ZNF33B: variants seen among roughly 807,000 people sequenced by gnomAD.
ZNF33B encodes zinc finger protein 11b (KOX 2).
ZNF33B carries 29 observed loss-of-function variants against 45.8 expected under a neutral mutation model. The observed-to-expected ratio is 0.63, with a 90% CI of 0.47 to 0.86. The LOEUF is 0.86. ZNF33B is among the 40% of genes least tolerant of loss of function. ZNF33B has a pLI of 0.00. For missense variants in ZNF33B, 831 were observed against 909.9 expected (o/e 0.91, Z 1.12); for synonymous variants, 305 against 307.8 (o/e 0.99, Z 0.10).
chr10:42,611,268 G>A (rs1174394800), intron 4 of ZNF33B, among the ~76,000 whole-genome samples: 1 of 152,062 alleles, frequency 6.6e-6, no homozygotes, highest in Non-Finnish European at 1.5e-5. Context: ...TTGAACCTGG[G>A]GGGCAGAAGT....
intron 4 of ZNF33B, among the ~76,000 whole-genome samples, chr10:42,598,500 T>A (rs1421568454): frequency 6.6e-6 from 1 of 152,232 alleles, no homozygotes; most frequent in Non-Finnish European, 1.5e-5. Flanking sequence ...CTCTCAAGTA[T>A]CCTGTCTACT....
intron 4 of ZNF33B, among the ~76,000 whole-genome samples, chr10:42,601,395 T>C (rs1238716894): frequency 6.6e-6 from 1 of 152,002 alleles, no homozygotes; most frequent in African/African-American, 2.4e-5. Flanking sequence ...ACTTTCCTTT[T>C]AGAGACTCCA....
At chr10:42,610,103 T>C (rs1838037917) in intron 4 of ZNF33B, among the ~76,000 whole-genome samples, 1 of 152,196 alleles carries the variant, frequency 6.6e-6, no homozygotes, top group Admixed American at 6.5e-5. Flanking sequence ...AGTGGAACTA[T>C]ATGTATTTGC....
intron 4 of ZNF33B, among the ~76,000 whole-genome samples, chr10:42,626,856 T>A (rs1306213106): frequency 3.9e-5 from 6 of 151,918 alleles, no homozygotes; most frequent in Non-Finnish European, 7.4e-5. Flanking sequence ...TTTTTGGAGG[T>A]TTTTTATTTA....
chr10:42,632,441 T>G lies in ZNF33B; in HGVS notation c.10-2A>C, dbSNP rs1391591182. ...TGACCCCTGGAACTTCTGATCTACC[T>G]GAAATGTTCAGAATTAGGTGGCATG... is the stretch of plus-strand genomic sequence containing the variant. On this transcript the variant is annotated splice_acceptor_variant, in intron 2 of 4. Coordinates refer to ENST00000359467, the MANE Select transcript of ZNF33B (RefSeq NM_006955.3). LOFTEE classifies it high-confidence loss of function. 1.2e-6 allele frequency: 2 copies of G among 1,612,792 alleles called. No homozygotes were observed.
chr10:42,629,946 C>T lies in ZNF33B; in HGVS notation c.250+1983G>A, dbSNP rs118165071. On this transcript the variant is annotated intron_variant, in intron 4 of 4. Coordinates refer to ENST00000359467, the MANE Select transcript of ZNF33B (RefSeq NM_006955.3). ...ACCAAGTTTCATTCCACTTAGGCCC[C>T]TTTACCCTCCCCACTTTTAAAATAT... 5.4e-3 allele frequency among the ~76,000 whole-genome samples: 827 copies of T among 152,296 alleles called. 32 individuals are homozygous for T. The East Asian group carries it at 0.085, about 16-fold the overall frequency.
chr10:42,619,876 G>A (rs978079683), intron 4 of ZNF33B, among the ~76,000 whole-genome samples: 4 of 151,302 alleles, frequency 2.6e-5, no homozygotes, highest in Non-Finnish European at 4.4e-5. Flanking sequence ...AATGTACACA[G>A]AAGGAAATGA....
rs772815202 is a variant in ZNF33B, at chr10:42,592,002, C to T, written c.*611G>A. The T allele has an allele frequency of 6.5e-6, 1 of 152,764 alleles. No homozygotes were observed. Among genetic ancestry groups the T allele is most frequent in the Non-Finnish European group, 1.5e-5 (1 of 68,478 alleles). The allele number at this position is 152,764 out of a possible 1,614,324, so 9.5% of individuals were successfully genotyped here. A position where few individuals can be genotyped will look rare whatever the true frequency, so the allele number is the denominator to read the frequency against. ...TAGCAAAATCTGAGTAAGTCTGCAT[C>T]TACTAGCAAGGTAACATCGATTTCT... On this transcript the variant is annotated 3_prime_UTR_variant, in exon 5 of 5. Coordinates refer to ENST00000359467, the MANE Select transcript of ZNF33B (RefSeq NM_006955.3).
intron 4 of ZNF33B, among the ~76,000 whole-genome samples, chr10:42,625,450 A>G (rs1838765327): frequency 6.6e-6 from 1 of 152,054 alleles, no homozygotes; most frequent in South Asian, 2.1e-4. Context: ...TCATTCATTC[A>G]TTCTGGGAGG....
chr10:42,593,447 T>G lies in ZNF33B; in HGVS notation c.1503A>C (p.Ala501=). Residue 501 remains alanine, a synonymous_variant, in exon 5 of 5, where the codon GCA becomes GCC. Transcript: ENST00000359467. ...HIGDKPYECN[A]CGKTFYHKSV... ...ACTTGTGGTAGAAAGTTTTCCCACA[T>G]GCATTACATTCATAAGGTTTATCTC... The G allele has an allele frequency of 6.2e-7, 1 of 1,614,118 alleles. No individual in the cohort carries two copies. Among genetic ancestry groups the G allele is most frequent in the Non-Finnish European group, 8.5e-7 (1 of 1,179,998 alleles).
chr10:42,631,824 A>C, intron 4 of ZNF33B, 105 bp downstream of exon 4: 1 of 910,858 alleles, frequency 1.1e-6, no homozygotes, highest in Non-Finnish European at 1.8e-6. Context: ...TAGGACCCCT[A>C]TGGAGATGTT....
chr10:42,594,406 G>A lies in ZNF33B; in HGVS notation c.544C>T (p.His182Tyr), dbSNP rs1229656962. The change falls in exon 5 of 5, where the codon CAT becomes TAT. Residue 182 changes from histidine (H) to tyrosine (Y), a missense_variant. Coordinates refer to ENST00000359467, the MANE Select transcript of ZNF33B (RefSeq NM_006955.3). ...ACGKLLLNIK[H>Y]DETHTREKNE... ...TTCTCTCGAGTATGAGTTTCATCAT[G>A]CTTAATATTGAGTAACAATTTCCCA... is the stretch of plus-strand genomic sequence containing the variant. 1.9e-6 allele frequency: 3 copies of A among 1,613,680 alleles called. No individual in the cohort carries two copies. The highest frequency in any genetic ancestry group is 1.3e-5 in the African/African-American group (1 of 74,978).
intron 4 of ZNF33B, among the ~76,000 whole-genome samples, chr10:42,609,624 T>G (rs1838019984): frequency 6.6e-6 from 1 of 152,042 alleles, no homozygotes; most frequent in African/African-American, 2.4e-5. Flanking sequence ...ATGAAAAAAC[T>G]ACAAATGCAT....
chr10:42,611,527 G>A (rs1232704568), intron 4 of ZNF33B, among the ~76,000 whole-genome samples: 1 of 152,080 alleles, frequency 6.6e-6, no homozygotes, highest in Non-Finnish European at 1.5e-5. Flanking sequence ...GGATCTTCAT[G>A]CCCTAGGGAT....
chr10:42,613,979 A>G (rs1185145541), intron 4 of ZNF33B, among the ~76,000 whole-genome samples: 1 of 152,248 alleles, frequency 6.6e-6, no homozygotes, highest in Admixed American at 6.5e-5. Flanking sequence ...CTAAAAAACA[A>G]CAGCAACAAA....
At chr10:42,623,140 G>A (rs1838662040) in intron 4 of ZNF33B, among the ~76,000 whole-genome samples, 1 of 152,158 alleles carries the variant, frequency 6.6e-6, no homozygotes, top group African/African-American at 2.4e-5. Flanking sequence ...TGTGGCATGC[G>A]CCTGTAGTCC....
intron 1 of ZNF33B, among the ~76,000 whole-genome samples, chr10:42,581,306 A>T (rs1429008303): frequency 1.3e-5 from 2 of 151,862 alleles, no homozygotes; most frequent in Non-Finnish European, 1.5e-5. Flanking sequence ...GTTACTAAAA[A>T]TACAAAAATT....
At chr10:42,596,444 T>C (rs192309896) in intron 4 of ZNF33B, among the ~76,000 whole-genome samples, 1 of 152,184 alleles carries the variant, frequency 6.6e-6, no homozygotes, top group Non-Finnish European at 1.5e-5. Context: ...GTAGTTCCTG[T>C]GTATTTCCAC....
At chr10:42,625,441 C>T (rs1838764328) in intron 4 of ZNF33B, among the ~76,000 whole-genome samples, 1 of 152,014 alleles carries the variant, frequency 6.6e-6, no homozygotes, top group Non-Finnish European at 1.5e-5. Context: ...TTTTGGAAAT[C>T]ATTCATTCAT....
Sources: gnomAD v4.1 joint callset for allele counts (sites outside exome capture counted in the v4.1 genomes callset) on GRCh38, gnomAD v4.1.1 for gene constraint, MANE v1.5 for transcripts, NCBI Gene and HGNC (gene_info 2026-07-23, HGNC 2026-07-21) for gene names.